Variants in MYOM1 observed in about 807,000 individuals in gnomAD.
MYOM1 encodes the protein myomesin 1.
Under a neutral mutation model 205.3 loss-of-function variants are expected in MYOM1, and 164 were observed. The ratio of observed to expected loss-of-function variants is 0.80; its 90% CI spans 0.70 to 0.91. The LOEUF is 0.91. Among genes scored for constraint, MYOM1 ranks in the 40% least tolerant of loss-of-function variants. MYOM1 has a pLI of 0.00. For missense variants in MYOM1, 2,011 were observed against 2,127.3 expected (o/e 0.95, Z 1.08); for synonymous variants, 772 against 789.4 (o/e 0.98, Z 0.37).
At chr18:3,242,958 T>C in the MYOM1 span, among the ~76,000 whole-genome samples, 1 of 152,230 alleles carries the variant, frequency 6.6e-6, no homozygotes, top group Non-Finnish European at 1.5e-5. Context: ...TAAGCATGTA[T>C]CTATTTAACT....
At position 3,089,561 on chromosome 18, in the gene MYOM1, G is replaced by A. The variant is rs762476268; in HGVS notation, c.4045C>T (p.Arg1349Trp). The change falls in exon 28 of 38, where the codon CGG becomes TGG. Residue 1349 changes from arginine to tryptophan, a missense_variant. Transcript: ENST00000356443. Reference sequence around the variant, plus strand: ...CCTTGTTTCCTGATCCATTCTTGCCGCTGGAATTCAGCTTCTTTCTGGAGC... The same window carrying A: ...CCTTGTTTCCTGATCCATTCTTGCCACTGGAATTCAGCTTCTTTCTGGAGC... ...KKLQKEAEFQ[R>W]QEWIRKQGPH... The A allele has an allele frequency of 4.2e-5, 67 of 1,608,236 alleles. No individual in the cohort carries two copies. Among genetic ancestry groups the A allele is most frequent in the East Asian group, 3.4e-4 (15 of 44,748 alleles).
chr18:3,188,859 A>ACTGCCTGGATGCCGTG lies in MYOM1; in HGVS notation c.659_660insCACGGCATCCAGGCAG (p.Val221ThrfsTer22), dbSNP rs767375201. ...CGGATGTGGCCTGTTTGGAAACCAC[A>ACTGCCTGGATGCCGTG]GACTGCCTGGATGCCGTGGACTGCC... On this transcript the variant is annotated frameshift_variant, in exon 4 of 38. Coordinates refer to ENST00000356443, the MANE Select transcript of MYOM1 (RefSeq NM_003803.4). LOFTEE classifies it high-confidence loss of function. The ACTGCCTGGATGCCGTG allele has an allele frequency of 1.2e-6, 2 of 1,613,034 alleles. No individual in the cohort carries two copies. The highest frequency in any genetic ancestry group is 1.7e-6 in the Non-Finnish European group (2 of 1,179,710).
chr18:3,100,306 G>C lies in MYOM1; in HGVS notation c.3682+14C>G, dbSNP rs917603170. The stretch of plus-strand genomic sequence containing the variant: ...GCAACATTCGATGTGTGAATGCACT[G>C]ATTTTAAACTTACCTTCCTCATCTA... On this transcript the variant is annotated intron_variant, in intron 24 of 37. Transcript: ENST00000356443. The C allele has an allele frequency of 1.9e-6, 3 of 1,612,426 alleles. No individual in the cohort carries two copies. The highest frequency in any genetic ancestry group is 1.7e-5 in the Admixed American group (1 of 60,012).
At chr18:3,158,800 G>T (rs2080339287) in intron 10 of MYOM1, among the ~76,000 whole-genome samples, 1 of 151,912 alleles carries the variant, frequency 6.6e-6, no homozygotes, top group African/African-American at 2.4e-5. Flanking sequence ...TTTTTGTAGA[G>T]ACAGGGTCTC....
intron 12 of MYOM1, among the ~76,000 whole-genome samples, chr18:3,150,533 G>A (rs563327105): frequency 5.6e-4 from 85 of 152,230 alleles, no homozygotes; most frequent in Non-Finnish European, 1.0e-3. Context: ...GTAGAGACAA[G>A]GGATGTTGCT....
chr18:3,075,599 A>T, intron 35 of MYOM1, 123 bp from the exon 36 acceptor site: 2 of 1,404,076 alleles, frequency 1.4e-6, no homozygotes, highest in Non-Finnish European at 2.0e-6. Flanking sequence ...TAACAATGGG[A>T]AGTGCTGCTT....
intron 36 of MYOM1, among the ~76,000 whole-genome samples, chr18:3,073,717 G>T (rs796362178): frequency 6.6e-6 from 1 of 152,336 alleles, no homozygotes; most frequent in African/African-American, 2.4e-5. Flanking sequence ...CCTATGGCTT[G>T]CCTGGGCATG....
Position 3,116,516 on chromosome 18 carries a change from C to T in MYOM1, c.3119-1G>A. 6.6e-7 allele frequency: 1 copy of T among 1,518,924 alleles called. No individual in the cohort carries two copies. The highest frequency in any genetic ancestry group is 8.9e-7 in the Non-Finnish European group (1 of 1,129,388). The allele number at this position is 1,518,924 out of a possible 1,614,324, so 94.1% of individuals were successfully genotyped here. ...CTACACTTGAGACTGTGCGGTGGTCCTGAGAGAGAGAGAAGCCAATGAGTA... is the reference window on the plus strand; with the variant it reads ...CTACACTTGAGACTGTGCGGTGGTCTTGAGAGAGAGAGAAGCCAATGAGTA... On this transcript the variant is annotated splice_acceptor_variant, in intron 20 of 37. Transcript: ENST00000356443. LOFTEE classifies it high-confidence loss of function.
chr18:3,193,997 A>C, intron 2 of MYOM1, 39 bp from the exon 3 acceptor site: 1 of 1,598,714 alleles, frequency 6.3e-7, no homozygotes, highest in African/African-American at 1.3e-5. Flanking sequence ...TAACAAAAAA[A>C]GGCATTTACA....
intron 19 of MYOM1, among the ~76,000 whole-genome samples, chr18:3,120,749 A>T (rs1353913814): frequency 6.6e-6 from 1 of 152,232 alleles, no homozygotes; most frequent in Non-Finnish European, 1.5e-5. Flanking sequence ...GCTAGGAATC[A>T]AAATGCTCAA....
chr18:3,218,260 G>T (rs1158151104), intron 1 of MYOM1, among the ~76,000 whole-genome samples: 1 of 152,200 alleles, frequency 6.6e-6, no homozygotes, highest in African/African-American at 2.4e-5. Flanking sequence ...TGTAGAATTA[G>T]TTTTAAAGTG....
At position 3,174,125 on chromosome 18, in the gene MYOM1, A is replaced by G. The variant is rs2080599981; in HGVS notation, c.1106T>C (p.Val369Ala). Residue 369 changes from valine (V) to alanine (A), a missense_variant, in exon 7 of 38, where the codon GTA (valine) becomes GCA (alanine). Physicochemically the swap from Val to Ala is moderately conservative, Grantham distance 64. Transcript: ENST00000356443. ...GELSAYASVV[V>A]KRYKGEFDET... ...AACAAATCTAGCAAACCTACTTTTT[A>G]CCACAACTGAAGCATATGCCGAAAG... is the stretch of plus-strand genomic sequence containing the variant. 1 of 1,614,014 alleles carries G rather than the reference A, an allele frequency of 6.2e-7. No homozygotes were observed. The highest frequency in any genetic ancestry group is 8.5e-7 in the Non-Finnish European group (1 of 1,179,870).
chr18:3,215,169 TGC>T lies in MYOM1; in HGVS notation c.53_54del (p.Arg18GlnfsTer63). 1 of 1,613,574 alleles carries T rather than the reference TGC, an allele frequency of 6.2e-7. No homozygotes were observed. Among genetic ancestry groups the T allele is most frequent in the East Asian group, 2.2e-5 (1 of 44,878 alleles). On this transcript the variant is annotated frameshift_variant, in exon 2 of 38. Transcript: ENST00000356443. LOFTEE classifies it high-confidence loss of function. ...CTCACGGTGCTGCGCACGTCCTTGT[TGC>T]GGTAGCTGAGATCATAGTGCTGGTG... ...RCHQHYDLSY[R>X]NKDVRSTVSH...
In MYOM1 at chr18:3,119,933, CCCAG is replaced by C; in HGVS notation, c.3050_3053del (p.Ala1017GlyfsTer8). ...CGCTTACTGCGGAGGGCGCGCCCAGCCCAGCCATGTTCATGGCTGCCACTTGGAA... is the reference window on the plus strand; with the variant it reads ...CGCTTACTGCGGAGGGCGCGCCCAGCCCATGTTCATGGCTGCCACTTGGAA... On this transcript the variant is annotated frameshift_variant, in exon 20 of 38. Coordinates refer to ENST00000356443, the MANE Select transcript of MYOM1 (RefSeq NM_003803.4). LOFTEE classifies it high-confidence loss of function. 1 of 1,611,770 alleles carries C rather than the reference CCCAG, an allele frequency of 6.2e-7. No homozygotes were observed. Among genetic ancestry groups the C allele is most frequent in the Non-Finnish European group, 8.5e-7 (1 of 1,179,018 alleles).
chr18:3,135,519 G>C lies in MYOM1; in HGVS notation c.2209+28C>G. ...GATCCTTGCTTTGAAATTTTCTCTT[G>C]AAGTAAAAGAAGTTTACAGTTGCTT... On this transcript the variant is annotated intron_variant, in intron 15 of 37. Transcript: ENST00000356443. The surrounding 1 kb of genome is among the most constrained non-coding windows in gnomAD (Gnocchi z 4.1). 2 of 1,596,022 alleles carry C rather than the reference G, an allele frequency of 1.3e-6. No homozygotes were observed. The highest frequency in any genetic ancestry group is 1.7e-6 in the Non-Finnish European group (2 of 1,169,312).
chr18:3,154,869 CA>C, intron 11 of MYOM1, 77 bp downstream of exon 11: 2 of 1,464,544 alleles, frequency 1.4e-6, no homozygotes, highest in Non-Finnish European at 1.8e-6. Flanking sequence ...AAAATATTTC[CA>C]CTAGAAATGA....
Position 3,095,356 on chromosome 18 carries a change from G to T in MYOM1, c.3728-1050C>A, listed in dbSNP as rs2079288071. ...GGCCGAGGGGGGCAAATCCCTTGAGGTCAGAAGTTCGAGACCAGCCTGGCC... is the reference window on the plus strand; with the variant it reads ...GGCCGAGGGGGGCAAATCCCTTGAGTTCAGAAGTTCGAGACCAGCCTGGCC... On this transcript the variant is annotated intron_variant, in intron 25 of 37. Coordinates refer to ENST00000356443, the MANE Select transcript of MYOM1 (RefSeq NM_003803.4). Among the ~76,000 whole-genome samples, 3 of 152,258 alleles carry T rather than the reference G, an allele frequency of 2.0e-5. No homozygotes were observed. In the South Asian group the frequency reaches 6.2e-4, roughly 32 times the overall value.
At chr18:3,194,049 T>A in intron 2 of MYOM1, 91 bp from the exon 3 acceptor site, 1 of 1,335,254 alleles carries the variant, frequency 7.5e-7, no homozygotes, top group Non-Finnish European at 1.0e-6. Context: ...TTGGGAGAAA[T>A]TTTACCAAAT....
intron 9 of MYOM1, among the ~76,000 whole-genome samples, chr18:3,167,903 T>G (rs912397151): frequency 2.0e-4 from 31 of 152,004 alleles, no homozygotes; most frequent in Admixed American, 5.2e-4. Context: ...TGAAGCAAAG[T>G]GAGATTGAAT....
Sources: allele counts gnomAD v4.1 joint callset (sites outside exome capture counted in the v4.1 genomes callset), GRCh38; gene constraint gnomAD v4.1.1; non-coding constraint Gnocchi (gnomAD v3.1); transcripts MANE v1.5; gene names NCBI Gene and HGNC (gene_info 2026-07-23, HGNC 2026-07-21).